The following BCAS3 variants were observed in gnomAD, a reference collection of about 807,000 sequenced individuals.
BCAS3 encodes the protein BCAS4/BCAS3 fusion.
BCAS3 carries 53 observed loss-of-function variants against 116.1 expected under a neutral mutation model. That is an observed-to-expected ratio of 0.46 (90% CI 0.37 to 0.57). BCAS3 has a LOEUF of 0.57. Ranked by LOEUF, BCAS3 falls within the 20% of genes least tolerant of loss-of-function variation. The pLI, the probability that BCAS3 is intolerant of heterozygous loss-of-function variation, is 0.00. For synonymous variants in BCAS3, 391 were observed against 408.2 expected, an observed-to-expected ratio of 0.96 and a Z score of 0.51; for missense variants, 917 against 1,165.4, an observed-to-expected ratio of 0.79 and a Z score of 3.10.
intron 22 of BCAS3, among the ~76,000 whole-genome samples, chr17:61,094,949 C>T (rs758625917): frequency 9.2e-5 from 14 of 152,100 alleles, no homozygotes; most frequent in Non-Finnish European, 1.9e-4. Context: ...CAACATTTTC[C>T]GAATGACCAG....
At chr17:60,982,462 C>A (rs928446877) in intron 14 of BCAS3, among the ~76,000 whole-genome samples, 2 of 152,064 alleles carry the variant, frequency 1.3e-5, no homozygotes, top group Non-Finnish European at 2.9e-5. Context: ...TGCATCATTG[C>A]GCCTCGCTTG....
intron 16 of BCAS3, among the ~76,000 whole-genome samples, chr17:61,022,130 T>G (rs999456966): frequency 1.3e-5 from 2 of 152,252 alleles, no homozygotes; most frequent in African/African-American, 4.8e-5. Context: ...TTAACATAGT[T>G]TGAGTTCCAA....
At position 60,940,803 on chromosome 17, in the gene BCAS3, G is replaced by A. The variant is rs1029270439; in HGVS notation, c.1088-6416G>A. On this transcript the variant is annotated intron_variant, in intron 13 of 23. Transcript: ENST00000407086. Reference sequence around the variant, plus strand: ...TTTTGGAAAAGAGTGTGAGTAGCTGGTAGTTTGTCTTCTAGTTCACATGTG... The same window carrying A: ...TTTTGGAAAAGAGTGTGAGTAGCTGATAGTTTGTCTTCTAGTTCACATGTG... Among the ~76,000 whole-genome samples the A allele has an allele frequency of 2.0e-5, 3 of 152,196 alleles. No homozygotes were observed. The South Asian group carries it at 6.2e-4, about 32-fold the overall frequency.
intron 5 of BCAS3, chr17:60,727,376 C>A: frequency 1.3e-6 from 2 of 1,575,980 alleles, no homozygotes; most frequent in South Asian, 2.2e-5. Context: ...GCGCCTCTTT[C>A]CCTGGGCATA....
Position 61,244,827 on chromosome 17 carries a change from T to C in BCAS3, c.2426-123500T>C, listed in dbSNP as rs539271406. Among the ~76,000 whole-genome samples, 20 of 152,162 alleles carry C rather than the reference T, an allele frequency of 1.3e-4. No individual in the cohort carries two copies. The East Asian group carries it at 3.5e-3, about 27-fold the overall frequency. ...GCAGTGAGCCGAGATCGCGCCACTGTACCCCAGCCTGAGCAACAGAGTGAG... is the reference window on the plus strand; with the variant it reads ...GCAGTGAGCCGAGATCGCGCCACTGCACCCCAGCCTGAGCAACAGAGTGAG... On this transcript the variant is annotated intron_variant, in intron 22 of 23. Coordinates refer to ENST00000407086, the MANE Select transcript of BCAS3 (RefSeq NM_017679.5). This position sits in a 1 kb window ranked among gnomAD's most constrained non-coding sequence, Gnocchi z 4.9.
chr17:61,296,746 T>C (rs943781621), intron 22 of BCAS3, among the ~76,000 whole-genome samples: 4 of 152,200 alleles, frequency 2.6e-5, no homozygotes, highest in African/African-American at 9.7e-5. Flanking sequence ...AAGAATGAGT[T>C]GCAATTAGCC....
chr17:60,689,738 G>C lies in BCAS3; in HGVS notation c.191G>C (p.Arg64Thr). 6.2e-7 allele frequency: 1 copy of C among 1,608,012 alleles called. No homozygotes were observed. The highest frequency in any genetic ancestry group is 8.5e-7 in the Non-Finnish European group (1 of 1,174,904). ...GAAAAGGAGAAAATAGTCTGGGTCA[G>C]ATTTGAAAATGCAGATTTAAATGGT... The part of the protein sequence containing the change: ...TEEKEKIVWV[R>T]FENADLNDTS... Residue 64 changes from arginine (R) to threonine (T), a missense_variant, in exon 4 of 24, where the codon AGA (arginine) becomes ACA (threonine). Physicochemically the swap from Arg to Thr is moderately conservative, Grantham distance 71. Coordinates refer to ENST00000407086, the MANE Select transcript of BCAS3 (RefSeq NM_017679.5).
intron 7 of BCAS3, among the ~76,000 whole-genome samples, chr17:60,824,585 A>G (rs79542102): frequency 2.0e-5 from 3 of 152,196 alleles, no homozygotes; most frequent in Admixed American, 1.3e-4. Context: ...TGAATCCTAC[A>G]TGACTTTTTT....
chr17:61,380,293 G>A lies in BCAS3; in HGVS notation c.2594-11684G>A. ...CTCAGGCAGCTGGACTGGGGAGGAG[G>A]GAGAGAGGGAAGGATGATACCAGTT... On this transcript the variant is annotated intron_variant, in intron 23 of 23. Transcript: ENST00000407086. The surrounding 1 kb of genome is among the most constrained non-coding windows in gnomAD (Gnocchi z 4.2). 1.7e-6 allele frequency: 1 copy of A among 581,714 alleles called. No homozygotes were observed. Among genetic ancestry groups the A allele is most frequent in the Non-Finnish European group, 3.1e-6 (1 of 324,024 alleles). 36.0% of individuals were successfully genotyped at this position (581,714 alleles called of 1,614,324 possible).
intron 19 of BCAS3, among the ~76,000 whole-genome samples, chr17:61,062,107 A>G (rs150500257): frequency 1.2e-3 from 176 of 152,262 alleles, no homozygotes; most frequent in Non-Finnish European, 1.7e-3. Flanking sequence ...TATATTGACT[A>G]TGGTGTGCTG....
At chr17:60,939,950 TAATG>T (rs2060136180) in intron 13 of BCAS3, among the ~76,000 whole-genome samples, 1 of 152,146 alleles carries the variant, frequency 6.6e-6, no homozygotes, top group Non-Finnish European at 1.5e-5. Flanking sequence ...CTGTTAAAAA[TAATG>T]AACATTAGAA....
chr17:60,861,144 G>A (rs1199270394), intron 7 of BCAS3, among the ~76,000 whole-genome samples: 1 of 152,068 alleles, frequency 6.6e-6, no homozygotes, highest in Non-Finnish European at 1.5e-5. Context: ...TTTTCCATTT[G>A]CTTGTGTCAT....
chr17:61,126,239 C>G lies in BCAS3; in HGVS notation c.2425+41675C>G, dbSNP rs2076039597. On this transcript the variant is annotated intron_variant, in intron 22 of 23. Coordinates refer to ENST00000407086, the MANE Select transcript of BCAS3 (RefSeq NM_017679.5). The surrounding 1 kb of genome is among the most constrained non-coding windows in gnomAD (Gnocchi z 4.6). ...GTTTAATTCATTAGAATTGTGTGTG[C>G]GTTGTGGCATGTGGGTACATCAGAA... is the stretch of plus-strand genomic sequence containing the variant. Among the ~76,000 whole-genome samples, 1 of 152,006 alleles carries G rather than the reference C, an allele frequency of 6.6e-6. No homozygotes were observed. The highest frequency in any genetic ancestry group is 2.1e-4 in the South Asian group (1 of 4,834).
intron 6 of BCAS3, among the ~76,000 whole-genome samples, chr17:60,757,111 C>G (rs558660114): frequency 6.6e-6 from 1 of 151,600 alleles, no homozygotes; most frequent in Non-Finnish European, 1.5e-5. Context: ...TGCAATGAGC[C>G]GAGATCGCAC....
In BCAS3 at chr17:61,214,716, T is replaced by A. The variant is rs941448573; in HGVS notation, c.2425+130152T>A. Reference sequence around the variant, plus strand: ...AAAAAAAAAGAAAAAAAGAAAAAAATTCAAAAACATTTTTTAATGAACTAT... The same window carrying A: ...AAAAAAAAAGAAAAAAAGAAAAAAAATCAAAAACATTTTTTAATGAACTAT... On this transcript the variant is annotated intron_variant, in intron 22 of 23. Coordinates refer to ENST00000407086, the MANE Select transcript of BCAS3 (RefSeq NM_017679.5). The surrounding 1 kb of genome is among the most constrained non-coding windows in gnomAD (Gnocchi z 4.4). Among the ~76,000 whole-genome samples the A allele has an allele frequency of 6.6e-6, 1 of 151,796 alleles. No homozygotes were observed. The highest frequency in any genetic ancestry group is 2.1e-4 in the South Asian group (1 of 4,810).
intron 4 of BCAS3, among the ~76,000 whole-genome samples, chr17:60,703,033 G>T (rs1434250734): frequency 6.6e-6 from 1 of 151,938 alleles, no homozygotes; most frequent in Non-Finnish European, 1.5e-5. Context: ...CCAGCACTTT[G>T]GGAGGCCAAG....
At chr17:60,792,384 C>T (rs1012365571) in intron 6 of BCAS3, among the ~76,000 whole-genome samples, 1 of 152,198 alleles carries the variant, frequency 6.6e-6, no homozygotes, top group African/African-American at 2.4e-5. Flanking sequence ...GTGAACCCCC[C>T]GCTCGCTTGC....
chr17:61,339,256 C>T lies in BCAS3; in HGVS notation c.2426-29071C>T, dbSNP rs908810076. ...TCGGTTTTACTCCCTGCCCCTAGTGCCCACCTCTCCTTCATCCCAGGTCAC... is the reference window on the plus strand; with the variant it reads ...TCGGTTTTACTCCCTGCCCCTAGTGTCCACCTCTCCTTCATCCCAGGTCAC... On this transcript the variant is annotated intron_variant, in intron 22 of 23. Transcript: ENST00000407086. The surrounding 1 kb of genome is among the most constrained non-coding windows in gnomAD (Gnocchi z 4.4). Among the ~76,000 whole-genome samples the T allele has an allele frequency of 3.3e-5, 5 of 152,166 alleles. No individual in the cohort carries two copies. In the East Asian group the frequency reaches 9.6e-4, roughly 29 times the overall value.
intron 13 of BCAS3, among the ~76,000 whole-genome samples, chr17:60,936,872 C>T (rs1305951900): frequency 1.3e-5 from 2 of 152,262 alleles, no homozygotes; most frequent in Admixed American, 1.3e-4. Flanking sequence ...AATTAGATCC[C>T]ATTTGTCAGT....
Sources: allele counts gnomAD v4.1 joint callset (sites outside exome capture counted in the v4.1 genomes callset), GRCh38; gene constraint gnomAD v4.1.1; non-coding constraint Gnocchi (gnomAD v3.1); transcripts MANE v1.5; gene names NCBI Gene and HGNC (gene_info 2026-07-23, HGNC 2026-07-21).